Variants in SLC23A2 observed in about 807,000 individuals in gnomAD.
SLC23A2 encodes the protein Na(+)/L-ascorbic acid transporter 2.
A neutral mutation model predicts 73.3 loss-of-function variants in SLC23A2; 36 were observed. That is an observed-to-expected ratio of 0.49 (90% CI 0.38 to 0.65). SLC23A2 has a LOEUF of 0.65. Ranked by LOEUF, SLC23A2 falls within the 30% of genes least tolerant of loss-of-function variation. SLC23A2 has a pLI of 0.00. For synonymous variants in SLC23A2, 343 were observed against 327.3 expected (o/e 1.05, Z -0.52); for missense variants, 507 against 841.6 (o/e 0.60, Z 4.92).
At chr20:4,999,501 C>G (rs932400846) in intron 1 of SLC23A2, among the ~76,000 whole-genome samples, 1 of 151,804 alleles carries the variant, frequency 6.6e-6, no homozygotes, top group African/African-American at 2.4e-5. Context: ...GCAAAACCAT[C>G]TACATTTTTC....
chr20:4,854,824 C>G lies in SLC23A2; in HGVS notation c.*2148G>C, dbSNP rs1234068415. ...GTGCCCCTGGATCACCAATGGCTTT[C>G]AGGCTTTTATTTGGATATTTGGTCT... On this transcript the variant is annotated 3_prime_UTR_variant, in exon 17 of 17. Coordinates refer to ENST00000338244, the MANE Select transcript of SLC23A2 (RefSeq NM_005116.6). 6.6e-6 allele frequency: 1 copy of G among 152,186 alleles called. No individual in the cohort carries two copies. Among genetic ancestry groups the G allele is most frequent in the Non-Finnish European group, 1.5e-5 (1 of 68,044 alleles). The allele number at this position is 152,186 out of a possible 1,614,324, so 9.4% of individuals were successfully genotyped here.
At chr20:4,900,983 AC>A (rs1931723720) in intron 5 of SLC23A2, among the ~76,000 whole-genome samples, 2 of 152,158 alleles carry the variant, frequency 1.3e-5, no homozygotes, top group Non-Finnish European at 2.9e-5. Context: ...AGGGCTGCTC[AC>A]AACTTTATGT....
chr20:4,928,411 T>C (rs1932742008), intron 3 of SLC23A2, among the ~76,000 whole-genome samples: 1 of 152,188 alleles, frequency 6.6e-6, no homozygotes, highest in Non-Finnish European at 1.5e-5. Flanking sequence ...TTTGTAAACA[T>C]TCTTTGATGA....
chr20:4,956,498 C>A (rs2087290327), intron 2 of SLC23A2, among the ~76,000 whole-genome samples: 1 of 152,126 alleles, frequency 6.6e-6, no homozygotes, highest in Non-Finnish European at 1.5e-5. Context: ...GAAAAGTAGA[C>A]AAAATGAAAA....
Position 4,854,216 on chromosome 20 carries a change from TG to T in SLC23A2, c.*2755del, listed in dbSNP as rs1216022584. ...TCAAAGCCCCAGCAACGCAGGCCAA[TG>T]ATGTGAATGGGAAGTGTCATGACAC... On this transcript the variant is annotated 3_prime_UTR_variant, in exon 17 of 17. Transcript: ENST00000338244. 6.6e-6 allele frequency: 1 copy of T among 152,144 alleles called. No individual in the cohort carries two copies. The highest frequency in any genetic ancestry group is 6.5e-5 in the Admixed American group (1 of 15,274). The allele number at this position is 152,144 out of a possible 1,614,324, so 9.4% of individuals were successfully genotyped here.
chr20:4,990,618 C>A (rs959018172), intron 1 of SLC23A2, among the ~76,000 whole-genome samples: 2 of 145,948 alleles, frequency 1.4e-5, no homozygotes, highest in Non-Finnish European at 3.0e-5. Context: ...GGTGATCCAC[C>A]CACCTCGGCC....
In SLC23A2 at chr20:4,883,869, C is replaced by T. The variant is rs6116568; in HGVS notation, c.643-46G>A. The stretch of plus-strand genomic sequence containing the variant: ...GACATGAGAGTGAGCTGCTTGTACA[C>T]TGCACACTCAGAATGTCACCTACAA... On this transcript the variant is annotated intron_variant, in intron 8 of 16. Coordinates refer to ENST00000338244, the MANE Select transcript of SLC23A2 (RefSeq NM_005116.6). This position sits in a 1 kb window ranked among gnomAD's most constrained non-coding sequence, Gnocchi z 4.5. 50,115 of 1,344,186 alleles carry T rather than the reference C, an allele frequency of 0.037. 3,636 individuals are homozygous for T. The highest frequency in any genetic ancestry group is 0.3 in the African/African-American group (20,655 of 68,216). The allele number at this position is 1,344,186 out of a possible 1,614,324, so 83.3% of individuals were successfully genotyped here.
intron 2 of SLC23A2, among the ~76,000 whole-genome samples, chr20:4,945,036 G>A (rs551138876): frequency 2.8e-4 from 42 of 151,254 alleles, no homozygotes; most frequent in African/African-American, 9.9e-4. Flanking sequence ...ACTTGTATAT[G>A]ATCAACTTCC....
intron 1 of SLC23A2, among the ~76,000 whole-genome samples, chr20:4,988,210 G>A (rs562012507): frequency 6.6e-6 from 1 of 152,200 alleles, no homozygotes; most frequent in East Asian, 1.9e-4. Flanking sequence ...GCTGAGGCAG[G>A]AGAATTGCTT....
chr20:4,974,009 CACT>C (rs1373145332), intron 1 of SLC23A2, among the ~76,000 whole-genome samples: 1 of 152,114 alleles, frequency 6.6e-6, no homozygotes, highest in Non-Finnish European at 1.5e-5. Context: ...TAACATCTAC[CACT>C]GACTCAACAT....
chr20:4,990,625 G>T (rs1300758244), intron 1 of SLC23A2, among the ~76,000 whole-genome samples: 3 of 147,252 alleles, frequency 2.0e-5, no homozygotes, highest in South Asian at 2.2e-4. Flanking sequence ...CACCCACCTC[G>T]GCCTCCCAAA....
Position 4,899,721 on chromosome 20 carries a change from A to G in SLC23A2, c.325-9T>C. 6.2e-7 allele frequency: 1 copy of G among 1,613,898 alleles called. No homozygotes were observed. Among genetic ancestry groups the G allele is most frequent in the Non-Finnish European group, 8.5e-7 (1 of 1,179,802 alleles). Reference sequence around the variant, plus strand: ...AAGCATGTCAGGTAGTGCTGTGGGCAGGAAAAGGGTCAGAGGAGAAACAGT... The same window carrying G: ...AAGCATGTCAGGTAGTGCTGTGGGCGGGAAAAGGGTCAGAGGAGAAACAGT... On this transcript the variant is annotated splice_polypyrimidine_tract_variant and intron_variant, in intron 5 of 16. Transcript: ENST00000338244. The surrounding 1 kb of genome is among the most constrained non-coding windows in gnomAD (Gnocchi z 4.9).
chr20:4,986,953 G>T (rs1274467678), intron 1 of SLC23A2, among the ~76,000 whole-genome samples: 1 of 151,950 alleles, frequency 6.6e-6, no homozygotes, highest in Non-Finnish European at 1.5e-5. Context: ...ACCTCTCAGG[G>T]TTCAGAGGAG....
At chr20:4,889,192 G>A (rs919292562) in intron 6 of SLC23A2, among the ~76,000 whole-genome samples, 7 of 152,138 alleles carry the variant, frequency 4.6e-5, no homozygotes, top group East Asian at 3.9e-4. Context: ...AGGTGCAGTC[G>A]CTTGAGCGAG....
chr20:4,931,276 T>C (rs901531463), intron 3 of SLC23A2, among the ~76,000 whole-genome samples: 1 of 151,582 alleles, frequency 6.6e-6, no homozygotes, highest in Non-Finnish European at 1.5e-5. Context: ...GCCCAGGAGG[T>C]CAAGGCTACA....
rs1930305717 is a variant in SLC23A2 at position 4,868,697 on chromosome 20, T to A, written c.1251-822A>T. Among the ~76,000 whole-genome samples, 2 of 152,160 alleles carry A rather than the reference T, an allele frequency of 1.3e-5. No homozygotes were observed. ...GCTCCATTAGAGAAAGATGGGGACA[T>A]CAGGTACCAGAGCCAAGGCCCAGTC... is the stretch of plus-strand genomic sequence containing the variant. On this transcript the variant is annotated intron_variant, in intron 12 of 16. Coordinates refer to ENST00000338244, the MANE Select transcript of SLC23A2 (RefSeq NM_005116.6). The surrounding 1 kb of genome is among the most constrained non-coding windows in gnomAD (Gnocchi z 4.4).
At chr20:4,869,344 CA>C (rs971278482) in intron 12 of SLC23A2, among the ~76,000 whole-genome samples, 1 of 98,430 alleles carries the variant, frequency 1.0e-5, no homozygotes, top group African/African-American at 4.3e-5. Context: ...AAAAAAAAAA[CA>C]AAAAAAACCT....
intron 15 of SLC23A2, among the ~76,000 whole-genome samples, 188 bp downstream of exon 15, chr20:4,861,760 C>A (rs1001680200): frequency 1.3e-5 from 2 of 152,154 alleles, no homozygotes; most frequent in African/African-American, 2.4e-5. Flanking sequence ...GTTATGTGTA[C>A]ACGCCAGCAG....
chr20:4,991,879 C>T lies in SLC23A2; in HGVS notation c.-282+9527G>A, dbSNP rs185162212. ...ACAAGTCTCCCCAAATTAACTTATG[C>T]ATTTAATGAAATTTCCCATTAACAG... On this transcript the variant is annotated intron_variant, in intron 1 of 16. Transcript: ENST00000338244. 1.6e-4 allele frequency among the ~76,000 whole-genome samples: 25 copies of T among 152,246 alleles called. No individual in the cohort carries two copies. In the East Asian group the frequency reaches 4.2e-3, roughly 26 times the overall value.
Sources: gnomAD v4.1 joint callset for allele counts (sites outside exome capture counted in the v4.1 genomes callset) on GRCh38, gnomAD v4.1.1 for gene constraint, Gnocchi (gnomAD v3.1) non-coding constraint, MANE v1.5 for transcripts, NCBI Gene and HGNC (gene_info 2026-07-23, HGNC 2026-07-21) for gene names.